The following PTPRN variants were observed in gnomAD, a reference collection of about 807,000 sequenced individuals.
The protein encoded by PTPRN is receptor-type tyrosine-protein phosphatase-like N.
Under a neutral mutation model 108.5 loss-of-function variants are expected in PTPRN, and 70 were observed. The observed-to-expected ratio is 0.65, with a 90% CI of 0.53 to 0.79. The LOEUF (loss-of-function observed/expected upper bound fraction) is 0.79, where lower values mean the gene tolerates loss of function less well. PTPRN is among the 30% of genes least tolerant of loss of function. The pLI is 0.00. For missense variants in PTPRN, 1,136 were observed against 1,295.5 expected, an observed-to-expected ratio of 0.88 and a Z score of 1.89; for synonymous variants, 496 against 524.6, an observed-to-expected ratio of 0.95 and a Z score of 0.75.
At chr2:219,299,557 T>C (rs1288973403) in intron 10 of PTPRN, 143 bp downstream of exon 10, 1 of 1,132,662 alleles carries the variant, frequency 8.8e-7, no homozygotes, top group African/African-American at 1.5e-5. Context: ...ACGGGCTGGG[T>C]GTGGCTGTAC....
chr2:219,300,485 C>G (rs1952317365), intron 8 of PTPRN: 1 of 507,058 alleles, frequency 2.0e-6, no homozygotes, highest in South Asian at 4.0e-5. Flanking sequence ...TACTAATCCA[C>G]AGAATGGGGC....
At chr2:219,291,664 G>A (rs1952058299) in intron 19 of PTPRN, 141 bp from the exon 20 acceptor site, 1 of 882,344 alleles carries the variant, frequency 1.1e-6, no homozygotes, top group African/African-American at 1.7e-5. Flanking sequence ...GGAGAAAGGA[G>A]CCAGGGCTGG....
chr2:219,294,535 G>GGACGGAGAGGGATGAAGGAGGGAC (rs376517045), intron 19 of PTPRN, among the ~76,000 whole-genome samples: 3 of 151,328 alleles, frequency 2.0e-5, no homozygotes, highest in East Asian at 1.9e-4. Context: ...GATGAAGGAG[G>GGACGGAGAGGGATGAAGGAGGGAC]GGAGACGGGC....
chr2:219,306,315 C>A (rs1015957435), intron 3 of PTPRN, among the ~76,000 whole-genome samples: 1 of 152,202 alleles, frequency 6.6e-6, no homozygotes, highest in Non-Finnish European at 1.5e-5. Context: ...TTGGCCCCAT[C>A]CACATTCATC....
At chr2:219,308,086 T>C (rs1225985351) in intron 1 of PTPRN, 1 of 528,564 alleles carries the variant, frequency 1.9e-6, no homozygotes, top group African/African-American at 2.0e-5. Context: ...AACTGAGTGA[T>C]AGGGAAGAAA....
In PTPRN at chr2:219,290,964, C is replaced by A. The variant is rs565759698; in HGVS notation, c.2730-74G>T. 79 of 1,452,220 alleles carry A rather than the reference C, an allele frequency of 5.4e-5. No homozygotes were observed. In the East Asian group the frequency reaches 6.8e-4, roughly 13 times the overall value. The allele number at this position is 1,452,220 out of a possible 1,614,324, so 90.0% of individuals were successfully genotyped here. The stretch of plus-strand genomic sequence containing the variant: ...GGGAGGGACGGAGGAGGCGAGGAGG[C>A]CTGGAGGCCTGGGGGAGGGGAGGAC... On this transcript the variant is annotated intron_variant, in intron 20 of 22. Transcript: ENST00000295718. This position sits in a 1 kb window ranked among gnomAD's most constrained non-coding sequence, Gnocchi z 4.2.
intron 3 of PTPRN, chr2:219,306,998 C>G (rs1574933618): frequency 6.5e-6 from 1 of 154,662 alleles, no homozygotes; most frequent in East Asian, 1.9e-4. Context: ...CTCCCCTTAT[C>G]CCCCAAACAG....
chr2:219,299,431 G>T, intron 10 of PTPRN, 47 bp from the exon 11 acceptor site: 2 of 1,588,942 alleles, frequency 1.3e-6, no homozygotes, highest in Non-Finnish European at 1.7e-6. Context: ...CCAGACCGCA[G>T]ACTTCAAAAA....
At position 219,297,809 on chromosome 2, in the gene PTPRN, C is replaced by A. The variant is rs1952238115; in HGVS notation, c.1887+76G>T. The A allele has an allele frequency of 3.4e-6, 5 of 1,482,054 alleles. No individual in the cohort carries two copies. In the South Asian group the frequency reaches 5.2e-5, roughly 16 times the overall value. The allele number at this position is 1,482,054 out of a possible 1,614,324, so 91.8% of individuals were successfully genotyped here. A position where few individuals can be genotyped will look rare whatever the true frequency, so the allele number is the denominator to read the frequency against. ...GGGCTCACTCCCCATTCAGTTCCGACCCTTAGTCCACGCAAGACCCAGACT... is the reference window on the plus strand; with the variant it reads ...GGGCTCACTCCCCATTCAGTTCCGAACCTTAGTCCACGCAAGACCCAGACT... On this transcript the variant is annotated intron_variant, in intron 13 of 22. Transcript: ENST00000295718. This position sits in a 1 kb window ranked among gnomAD's most constrained non-coding sequence, Gnocchi z 6.0.
chr2:219,299,747 G>T lies in PTPRN; in HGVS notation c.1476C>A (p.Ile492=). Residue 492 remains isoleucine, a synonymous_variant, in exon 10 of 23, where the codon ATC becomes ATA. Coordinates refer to ENST00000295718, the MANE Select transcript of PTPRN (RefSeq NM_002846.4). ...SLAAGVKLLE[I]LAEHVHMSSG... Reference sequence around the variant, plus strand: ...AGGACATGTGCACATGCTCAGCCAGGATCTCCAGCAGCTTCACTCCTGCAG... The same window carrying T: ...AGGACATGTGCACATGCTCAGCCAGTATCTCCAGCAGCTTCACTCCTGCAG... 1 of 1,610,158 alleles carries T rather than the reference G, an allele frequency of 6.2e-7. No individual in the cohort carries two copies. The highest frequency in any genetic ancestry group is 1.7e-4 in the Middle Eastern group (1 of 6,052).
rs1454360874 is a variant in PTPRN at position 219,296,188 on chromosome 2, C to T, written c.2508+38G>A. The T allele has an allele frequency of 6.2e-7, 1 of 1,611,652 alleles. No individual in the cohort carries two copies. Among genetic ancestry groups the T allele is most frequent in the Non-Finnish European group, 8.5e-7 (1 of 1,177,878 alleles). ...ACGAAAAGGCCATCATCTACTCTTC[C>T]CACATCCATTGTCCCCTTGCTGTGG... On this transcript the variant is annotated intron_variant, in intron 18 of 22. Coordinates refer to ENST00000295718, the MANE Select transcript of PTPRN (RefSeq NM_002846.4). The surrounding 1 kb of genome is among the most constrained non-coding windows in gnomAD (Gnocchi z 6.0).
Position 219,290,485 on chromosome 2 carries a change from G to A in PTPRN, c.2868+53C>T, listed in dbSNP as rs745683993. On this transcript the variant is annotated intron_variant, in intron 22 of 22. Coordinates refer to ENST00000295718, the MANE Select transcript of PTPRN (RefSeq NM_002846.4). The surrounding 1 kb of genome is among the most constrained non-coding windows in gnomAD (Gnocchi z 4.2). ...CTGCTTTCCCTGGGGTGGCCAAGAA[G>A]TGGGTGCTAGGGAAGGGTGGGAGCT... The A allele has an allele frequency of 3.3e-6, 5 of 1,511,894 alleles. No homozygotes were observed. Among genetic ancestry groups the A allele is most frequent in the Non-Finnish European group, 3.6e-6 (4 of 1,112,392 alleles). 93.7% of individuals were successfully genotyped at this position (1,511,894 alleles called of 1,614,324 possible).
At chr2:219,305,312 G>A (rs560552022) in intron 3 of PTPRN, among the ~76,000 whole-genome samples, 1 of 150,726 alleles carries the variant, frequency 6.6e-6, no homozygotes, top group Admixed American at 6.6e-5. Flanking sequence ...GTGCGATCTC[G>A]GCTCACCACA....
At chr2:219,306,819 T>C (rs1952495797) in intron 3 of PTPRN, among the ~76,000 whole-genome samples, 1 of 152,252 alleles carries the variant, frequency 6.6e-6, no homozygotes, top group Non-Finnish European at 1.5e-5. Context: ...TTAAAAAGTC[T>C]GTTCAGATTT....
intron 3 of PTPRN, among the ~76,000 whole-genome samples, chr2:219,306,378 A>C (rs1258003695): frequency 6.6e-6 from 1 of 152,152 alleles, no homozygotes; most frequent in African/African-American, 2.4e-5. Context: ...GTAAAGTGAA[A>C]GCAGTTTATT....
rs1337399504 is a variant in PTPRN at position 219,296,741 on chromosome 2, C to G, written c.2310+8G>C. 6.2e-7 allele frequency: 1 copy of G among 1,613,600 alleles called. No individual in the cohort carries two copies. Among genetic ancestry groups the G allele is most frequent in the Non-Finnish European group, 8.5e-7 (1 of 1,179,802 alleles). The stretch of plus-strand genomic sequence containing the variant: ...GCAGAGGTGGGGGCTGGAGTCAGGG[C>G]CACTCACAATGGGGCTGGCGTTGAT... On this transcript the variant is annotated splice_region_variant and intron_variant, in intron 16 of 22. Transcript: ENST00000295718. This position sits in a 1 kb window ranked among gnomAD's most constrained non-coding sequence, Gnocchi z 6.0.
chr2:219,290,323 T>G lies in PTPRN; in HGVS notation c.2869-26A>C, dbSNP rs755385667. ...CTGAGGAAGGGCAGTGGTAGGATGG[T>G]CATGGAGAGGGCTGACCTGTGCTCT... On this transcript the variant is annotated intron_variant, in intron 22 of 22. Transcript: ENST00000295718. The surrounding 1 kb of genome is among the most constrained non-coding windows in gnomAD (Gnocchi z 4.2). 42 of 1,600,386 alleles carry G rather than the reference T, an allele frequency of 2.6e-5. No homozygotes were observed. The highest frequency in any genetic ancestry group is 1.5e-4 in the Admixed American group (9 of 59,592).
At chr2:219,293,397 C>A (rs1160616671) in intron 19 of PTPRN, among the ~76,000 whole-genome samples, 1 of 152,096 alleles carries the variant, frequency 6.6e-6, no homozygotes, top group Non-Finnish European at 1.5e-5. Flanking sequence ...CCAGTCTGGT[C>A]TTGAACTCCT....
At chr2:219,295,894 T>A (rs1321848648) in intron 18 of PTPRN, 1 of 255,108 alleles carries the variant, frequency 3.9e-6, no homozygotes, top group African/African-American at 2.2e-5. Context: ...GTTAGCTTCT[T>A]ACCTCGGTTT....
Sources: allele counts gnomAD v4.1 joint callset (sites outside exome capture counted in the v4.1 genomes callset), GRCh38; gene constraint gnomAD v4.1.1; non-coding constraint Gnocchi (gnomAD v3.1); transcripts MANE v1.5; gene names NCBI Gene and HGNC (gene_info 2026-07-23, HGNC 2026-07-21).